The following CTNNA2 variants were observed in gnomAD, a reference collection of about 807,000 sequenced individuals.
CTNNA2 encodes the protein catenin alpha 2, also known as catenin alpha-2.
A neutral mutation model predicts 101.0 loss-of-function variants in CTNNA2; 42 were observed. That is an observed-to-expected ratio of 0.42 (90% CI 0.32 to 0.54). The LOEUF (loss-of-function observed/expected upper bound fraction) is 0.54. CTNNA2 is among the 20% of genes least tolerant of loss of function. CTNNA2 has a pLI of 0.14. For missense variants in CTNNA2, 871 were observed against 1,223.1 expected, an observed-to-expected ratio of 0.71 and a Z score of 4.29; for synonymous variants, 450 against 456.4, an observed-to-expected ratio of 0.99 and a Z score of 0.18.
intron 2 of CTNNA2, among the ~76,000 whole-genome samples, chr2:79,686,892 C>T (rs549822570): frequency 6.6e-6 from 1 of 152,152 alleles, no homozygotes; most frequent in Non-Finnish European, 1.5e-5. Context: ...TAGGGAAACA[C>T]CCCAAATGCC....
chr2:79,306,006 A>G (rs1053631913), intron 2 of CTNNA2, among the ~76,000 whole-genome samples: 2 of 147,426 alleles, frequency 1.4e-5, no homozygotes, highest in Non-Finnish European at 3.0e-5. Context: ...AGATCGCACC[A>G]CTGCACTCCA....
chr2:80,115,501 T>C (rs1202880649), intron 7 of CTNNA2, among the ~76,000 whole-genome samples: 1 of 152,246 alleles, frequency 6.6e-6, no homozygotes, highest in Non-Finnish European at 1.5e-5. Context: ...ACCATTGTCT[T>C]CATTCCCTAA....
At chr2:79,299,599 T>C (rs978195402) in intron 2 of CTNNA2, among the ~76,000 whole-genome samples, 24 of 152,320 alleles carry the variant, frequency 1.6e-4, no homozygotes, top group African/African-American at 5.5e-4. Flanking sequence ...CTGGGGATCA[T>C]AATGCACAAA....
chr2:79,401,874 C>T (rs1678293984), intron 4 of CTNNA2, among the ~76,000 whole-genome samples: 1 of 151,222 alleles, frequency 6.6e-6, no homozygotes, highest in South Asian at 2.1e-4. Context: ...AAAGAATTAA[C>T]AAGAAACAGA....
chr2:80,372,665 C>G (rs1397703167), intron 7 of CTNNA2, among the ~76,000 whole-genome samples: 1 of 150,238 alleles, frequency 6.7e-6, no homozygotes, highest in Non-Finnish European at 1.5e-5. Flanking sequence ...TTTCATATCT[C>G]TTCATTGGGA....
At chr2:80,618,696 CCCA>C (rs1284313467) in intron 17 of CTNNA2, 2 of 154,406 alleles carry the variant, frequency 1.3e-5, no homozygotes, top group African/African-American at 2.4e-5. Flanking sequence ...ATCAGGGATC[CCCA>C]CATACCGTTC....
chr2:80,643,607 A>G (rs1673723869), intron 18 of CTNNA2, among the ~76,000 whole-genome samples: 3 of 152,170 alleles, frequency 2.0e-5, no homozygotes, highest in Admixed American at 2.0e-4. Context: ...TGTCACTGTA[A>G]TTCAGGTCAG....
intron 7 of CTNNA2, among the ~76,000 whole-genome samples, chr2:79,923,749 C>A (rs1313463559): frequency 6.6e-6 from 1 of 152,088 alleles, no homozygotes; most frequent in African/African-American, 2.4e-5. Flanking sequence ...CGTGTTTCAT[C>A]CCCCTCGCTG....
chr2:80,479,402 A>G (rs1220999018), intron 9 of CTNNA2, among the ~76,000 whole-genome samples: 2 of 152,174 alleles, frequency 1.3e-5, no homozygotes, highest in Admixed American at 1.3e-4. Context: ...TGCGCAGGAC[A>G]GCCTCCAGCA....
chr2:79,354,758 G>C (rs746442208), intron 3 of CTNNA2, among the ~76,000 whole-genome samples: 1 of 152,130 alleles, frequency 6.6e-6, no homozygotes, highest in African/African-American at 2.4e-5. Context: ...CCCTGCAGTT[G>C]CTCCACTCAC....
At chr2:79,470,164 C>T (rs983460346) in intron 4 of CTNNA2, among the ~76,000 whole-genome samples, 1 of 152,104 alleles carries the variant, frequency 6.6e-6, no homozygotes, top group Admixed American at 6.6e-5. Context: ...AGTGAATACA[C>T]ATCAGATTAT....
chr2:79,705,498 G>A (rs1685296691), intron 2 of CTNNA2, among the ~76,000 whole-genome samples: 1 of 152,138 alleles, frequency 6.6e-6, no homozygotes, highest in South Asian at 2.1e-4. Context: ...ATGGTTTCAG[G>A]TGTCCACTGG....
chr2:79,467,157 A>G (rs570573844), intron 4 of CTNNA2, among the ~76,000 whole-genome samples: 3 of 152,344 alleles, frequency 2.0e-5, no homozygotes, highest in African/African-American at 7.2e-5. Context: ...GCTAACTAGA[A>G]TAACCAATGT....
intron 7 of CTNNA2, among the ~76,000 whole-genome samples, chr2:79,910,712 A>G (rs1025501140): frequency 9.4e-4 from 143 of 152,178 alleles, no homozygotes; most frequent in African/African-American, 3.2e-3. Context: ...ATCTGCTCAC[A>G]GCTACTGAAG....
chr2:79,558,958 C>T (rs1315043252), intron 1 of CTNNA2, among the ~76,000 whole-genome samples: 2 of 151,732 alleles, frequency 1.3e-5, no homozygotes, highest in Non-Finnish European at 2.9e-5. Context: ...TGTCTCCTCC[C>T]ATCCCATCAC....
intron 4 of CTNNA2, among the ~76,000 whole-genome samples, chr2:79,472,412 A>G (rs927519845): frequency 6.6e-6 from 1 of 152,156 alleles, no homozygotes; most frequent in African/African-American, 2.4e-5. Flanking sequence ...AAGAAAGACA[A>G]TGGTCCCACC....
intron 7 of CTNNA2, among the ~76,000 whole-genome samples, chr2:80,152,320 T>G (rs1703755632): frequency 6.6e-6 from 1 of 151,632 alleles, no homozygotes; most frequent in Non-Finnish European, 1.5e-5. Context: ...ACTTGATGTT[T>G]TTTTTTTTTT....
intron 2 of CTNNA2, among the ~76,000 whole-genome samples, chr2:79,301,630 T>C (rs1676110381): frequency 6.6e-6 from 1 of 152,130 alleles, no homozygotes; most frequent in South Asian, 2.1e-4. Flanking sequence ...GCATATACCA[T>C]ATTGCCCCAC....
intron 7 of CTNNA2, among the ~76,000 whole-genome samples, chr2:79,958,649 T>C (rs1407956025): frequency 6.6e-6 from 1 of 152,220 alleles, no homozygotes; most frequent in East Asian, 1.9e-4. Flanking sequence ...GTGAGACCCA[T>C]GTCTTATAGA....
Sources: allele counts gnomAD v4.1 joint callset (sites outside exome capture counted in the v4.1 genomes callset), GRCh38; gene constraint gnomAD v4.1.1; transcripts MANE v1.5; gene names NCBI Gene and HGNC (gene_info 2026-07-23, HGNC 2026-07-21).